Variants in MIER1 observed in about 807,000 individuals in gnomAD.
MIER1 encodes mesoderm induction early response protein 1.
A neutral mutation model predicts 75.7 loss-of-function variants in MIER1; 40 were observed. That is an observed-to-expected ratio of 0.53 (90% CI 0.41 to 0.69). MIER1 has a LOEUF of 0.69. MIER1 is among the 30% of genes least tolerant of loss of function. MIER1 has a pLI of 0.00. For synonymous variants in MIER1, 213 were observed against 223.4 expected, an observed-to-expected ratio of 0.95 and a Z score of 0.42; for missense variants, 574 against 680.2, an observed-to-expected ratio of 0.84 and a Z score of 1.74.
intron 4 of MIER1, among the ~76,000 whole-genome samples, chr1:66,951,177 T>C (rs980537328): frequency 6.6e-6 from 1 of 152,340 alleles, no homozygotes; most frequent in Admixed American, 6.5e-5. Flanking sequence ...ATATAGTATA[T>C]AGTGTTTATC....
chr1:66,935,731 GA>G (rs1243211633), intron 2 of MIER1, among the ~76,000 whole-genome samples: 9 of 151,884 alleles, frequency 5.9e-5, no homozygotes, highest in Middle Eastern at 3.2e-3. Flanking sequence ...TCCTTTTGAG[GA>G]AAAAAAATTT....
At chr1:66,939,984 A>T in intron 2 of MIER1, 44 bp from the exon 3 acceptor site, 3 of 1,504,968 alleles carry the variant, frequency 2.0e-6, no homozygotes, top group Non-Finnish European at 2.8e-6. Flanking sequence ...GTGAAGATAC[A>T]TTATACAGAA....
chr1:66,930,253 C>T, intron 2 of MIER1: 2 of 1,501,012 alleles, frequency 1.3e-6, no homozygotes, highest in Non-Finnish European at 1.8e-6. Context: ...GCGGCTCCTG[C>T]GCGTTCCCGC....
chr1:66,982,803 C>T (rs1264234678), intron 13 of MIER1, among the ~76,000 whole-genome samples: 1 of 152,194 alleles, frequency 6.6e-6, no homozygotes, highest in Non-Finnish European at 1.5e-5. Context: ...TCCCTCACTA[C>T]TTCTAGGAAT....
At chr1:66,966,051 T>A (rs1161123654) in intron 8 of MIER1, among the ~76,000 whole-genome samples, 1 of 152,156 alleles carries the variant, frequency 6.6e-6, no homozygotes, top group Non-Finnish European at 1.5e-5. Flanking sequence ...TTTTTTTTTT[T>A]ATACTTTAAG....
At chr1:66,964,073 ATT>A (rs753026753) in intron 8 of MIER1, among the ~76,000 whole-genome samples, 10 of 141,812 alleles carry the variant, frequency 7.1e-5, no homozygotes, top group Non-Finnish European at 9.3e-5. Flanking sequence ...ATACTTGAAG[ATT>A]TTTTTTTTTT....
intron 2 of MIER1, chr1:66,928,808 C>T: frequency 1.2e-6 from 1 of 815,464 alleles, no homozygotes; most frequent in African/African-American, 1.7e-5. Flanking sequence ...CTGTACAGTA[C>T]AGTTAATGGT....
chr1:66,949,887 A>G (rs1404530473), intron 4 of MIER1, among the ~76,000 whole-genome samples: 2 of 151,678 alleles, frequency 1.3e-5, no homozygotes. Context: ...ACTGTATAGC[A>G]TGTGGTTTTA....
intron 5 of MIER1, 142 bp downstream of exon 5, chr1:66,958,362 A>G: frequency 1.8e-6 from 1 of 552,010 alleles, no homozygotes; most frequent in Non-Finnish European, 2.9e-6. Context: ...AGAAATACAT[A>G]ATATAAAAAT....
chr1:66,977,931 G>A (rs1167375286), intron 12 of MIER1, among the ~76,000 whole-genome samples: 2 of 152,020 alleles, frequency 1.3e-5, no homozygotes, highest in Non-Finnish European at 2.9e-5. Context: ...AGGTGCGGTG[G>A]CTCACTCCTG....
intron 11 of MIER1, among the ~76,000 whole-genome samples, chr1:66,975,962 A>G (rs947426043): frequency 6.6e-6 from 1 of 151,682 alleles, no homozygotes; most frequent in Non-Finnish European, 1.5e-5. Context: ...ATTTATTTTA[A>G]CATGAATGCC....
chr1:66,931,761 A>AT (rs1653438871), intron 2 of MIER1, among the ~76,000 whole-genome samples: 1 of 152,092 alleles, frequency 6.6e-6, no homozygotes, highest in South Asian at 2.1e-4. Context: ...CGGTACCTGG[A>AT]TTTTAGTCCT....
At chr1:66,976,746 G>A in intron 12 of MIER1, 24 bp downstream of exon 12, 1 of 1,531,122 alleles carries the variant, frequency 6.5e-7, no homozygotes. Flanking sequence ...TTCCTTAAGA[G>A]CTATATATAC....
intron 3 of MIER1, among the ~76,000 whole-genome samples, chr1:66,944,592 T>A (rs1657042029): frequency 6.6e-6 from 1 of 151,990 alleles, no homozygotes; most frequent in Non-Finnish European, 1.5e-5. Flanking sequence ...TAGACTAGAT[T>A]ATTTTTAATG....
intron 1 of MIER1, chr1:66,925,486 A>G: frequency 9.1e-6 from 9 of 985,002 alleles, no homozygotes; most frequent in Non-Finnish European, 1.1e-5. Context: ...TATTTCCCTC[A>G]CTTGTGTCCC....
At chr1:66,964,324 C>T (rs976902504) in intron 8 of MIER1, among the ~76,000 whole-genome samples, 3 of 151,914 alleles carry the variant, frequency 2.0e-5, no homozygotes, top group African/African-American at 4.8e-5. Flanking sequence ...CCGCCTGCCT[C>T]GGCCGCCCAT....
chr1:66,946,202 G>A lies in MIER1; in HGVS notation c.246G>A (p.Leu82=), dbSNP rs2101490949. The A allele has an allele frequency of 1.9e-6, 3 of 1,612,008 alleles. No homozygotes were observed. In the East Asian group the frequency reaches 6.7e-5, roughly 36 times the overall value. ...AATTTGATCCATCAGCTGACATGCT[G>A]GTTCATGATTTTGATGATGAACGAA... ...DHEFDPSADM[L]VHDFDDERTL... The change falls in exon 4 of 14, where the codon CTG becomes CTA. Residue 82 remains leucine, a synonymous_variant. Transcript: ENST00000401041.
At chr1:66,977,298 C>T (rs1016058798) in intron 12 of MIER1, among the ~76,000 whole-genome samples, 2 of 151,810 alleles carry the variant, frequency 1.3e-5, no homozygotes, top group African/African-American at 4.8e-5. Context: ...TTATTAGAGA[C>T]GGGGTTTCAC....
chr1:66,972,453 A>G (rs1570469340), intron 10 of MIER1, among the ~76,000 whole-genome samples: 1 of 151,748 alleles, frequency 6.6e-6, no homozygotes, highest in African/African-American at 2.4e-5. Flanking sequence ...ATGGGACTTA[A>G]CCTATTTGCA....
Sources: allele counts gnomAD v4.1 joint callset (sites outside exome capture counted in the v4.1 genomes callset), GRCh38; gene constraint gnomAD v4.1.1; transcripts MANE v1.5; gene names NCBI Gene and HGNC (gene_info 2026-07-23, HGNC 2026-07-21).